Variants in CLPTM1 observed in about 807,000 individuals in gnomAD.
CLPTM1 encodes CLPTM1 regulator of GABA type A receptor forward trafficking, also known as putative lipid scramblase CLPTM1.
In CLPTM1, 21 loss-of-function variants were observed where a neutral mutation model predicts 77.3. The ratio of observed to expected loss-of-function variants is 0.27; its 90% CI spans 0.19 to 0.39. The LOEUF (loss-of-function observed/expected upper bound fraction) is 0.39, where lower values mean the gene tolerates loss of function less well. Ranked by LOEUF, CLPTM1 falls within the 10% of genes least tolerant of loss-of-function variation. The pLI is 1.00. For synonymous variants in CLPTM1, 373 were observed against 381.0 expected (o/e 0.98, Z 0.24); for missense variants, 642 against 921.2 (o/e 0.70, Z 3.92).
rs994649493 is a variant in CLPTM1, at chr19:44,975,554, G to GT, written c.468+968dup. Reference sequence around the variant, plus strand: ...GCAGAATGTGGACACAGTCATTCTGGTTTTTTTTTTTGTTTTTTGTTTTTT... The same window carrying GT: ...GCAGAATGTGGACACAGTCATTCTGGTTTTTTTTTTTTGTTTTTTGTTTTTT... On this transcript the variant is annotated intron_variant, in intron 4 of 13. Coordinates refer to ENST00000337392, the MANE Select transcript of CLPTM1 (RefSeq NM_001294.4). Among the ~76,000 whole-genome samples, 151 of 147,780 alleles carry GT rather than the reference G, an allele frequency of 1.0e-3. 1 individual carries two copies. Among genetic ancestry groups the GT allele is most frequent in the South Asian group, 3.9e-3 (18 of 4,660 alleles).
intron 2 of CLPTM1, among the ~76,000 whole-genome samples, chr19:44,969,835 C>T (rs1275657655): frequency 6.6e-6 from 1 of 151,564 alleles, no homozygotes; most frequent in Non-Finnish European, 1.5e-5. Flanking sequence ...TTACAGGCGC[C>T]CGCCACCACG....
At chr19:44,989,305 T>C (rs1347821951) in intron 9 of CLPTM1, among the ~76,000 whole-genome samples, 1 of 152,222 alleles carries the variant, frequency 6.6e-6, no homozygotes, top group African/African-American at 2.4e-5. Context: ...GCCTAGGAGC[T>C]GGCTTGGCTG....
chr19:44,964,270 C>T (rs916488141), intron 2 of CLPTM1, among the ~76,000 whole-genome samples: 1 of 146,746 alleles, frequency 6.8e-6, no homozygotes, highest in Non-Finnish European at 1.5e-5. Flanking sequence ...ATCAAATTTA[C>T]CATTTTAACC....
intron 1 of CLPTM1, chr19:44,955,873 C>G (rs577610236): frequency 5.7e-6 from 1 of 175,106 alleles, no homozygotes; most frequent in African/African-American, 2.4e-5. Context: ...AGTTTTCTAG[C>G]TGTGGGGAAG....
chr19:44,969,221 G>A (rs1970680912), intron 2 of CLPTM1, among the ~76,000 whole-genome samples: 1 of 152,128 alleles, frequency 6.6e-6, no homozygotes. Context: ...ATAATTTAAT[G>A]TGTTTAATGC....
intron 2 of CLPTM1, among the ~76,000 whole-genome samples, chr19:44,966,898 G>A (rs1283334204): frequency 6.6e-6 from 1 of 151,946 alleles, no homozygotes; most frequent in Non-Finnish European, 1.5e-5. Context: ...CTGGAGTGCA[G>A]TGGCGCGATC....
Position 44,990,504 on chromosome 19 carries a change from G to T in CLPTM1, c.1242G>T (p.Glu414Asp). 1 of 1,614,130 alleles carries T rather than the reference G, an allele frequency of 6.2e-7. No individual in the cohort carries two copies. The highest frequency in any genetic ancestry group is 8.5e-7 in the Non-Finnish European group (1 of 1,179,994). The change falls in exon 10 of 14, where the codon GAG becomes GAT. Residue 414 changes from glutamate (E) to aspartate (D), a missense_variant. Around this residue, in one of 2 missense-constraint regions of CLPTM1, gnomAD observed 521 missense variants for 800.4 expected, o/e 0.65. Transcript: ENST00000337392. This position sits in a 1 kb window ranked among gnomAD's most constrained non-coding sequence, Gnocchi z 4.8. ...FVVLLYILDNETNFVVQVSVF... is the reference protein window; with the variant it reads ...FVVLLYILDNDTNFVVQVSVF... ...TCCTCCTCTACATCCTGGACAACGA[G>T]ACCAACTTCGTGGTCCAGGTCAGCG...
In CLPTM1 at chr19:44,968,249, T is replaced by C. The variant is rs1265366123; in HGVS notation, c.186-4838T>C. Among the ~76,000 whole-genome samples, 3 of 152,114 alleles carry C rather than the reference T, an allele frequency of 2.0e-5. No individual in the cohort carries two copies. The East Asian group carries it at 5.8e-4, about 29-fold the overall frequency. ...TCTTAAAATGGGATCCAGGGTTTGTTTTCAGGGGCCCATGAACTCCTTGTA... is the reference window on the plus strand; with the variant it reads ...TCTTAAAATGGGATCCAGGGTTTGTCTTCAGGGGCCCATGAACTCCTTGTA... On this transcript the variant is annotated intron_variant, in intron 2 of 13. Coordinates refer to ENST00000337392, the MANE Select transcript of CLPTM1 (RefSeq NM_001294.4).
intron 2 of CLPTM1, among the ~76,000 whole-genome samples, chr19:44,963,802 G>T (rs537033927): frequency 6.6e-6 from 1 of 151,864 alleles, no homozygotes; most frequent in Admixed American, 6.6e-5. Context: ...ATTTTTAGTA[G>T]AGATGGGGTT....
intron 8 of CLPTM1, 45 bp downstream of exon 8, chr19:44,987,468 G>T: frequency 6.2e-7 from 1 of 1,604,328 alleles, no homozygotes; most frequent in Non-Finnish European, 8.5e-7. Flanking sequence ...GCCTTCCTGG[G>T]CGCAAGAGGC....
chr19:44,983,504 G>C (rs543587330), intron 5 of CLPTM1, among the ~76,000 whole-genome samples: 57 of 150,162 alleles, frequency 3.8e-4, no homozygotes, highest in Non-Finnish European at 6.1e-4. Context: ...TGTAGTCCCA[G>C]CTACCCAGGA....
At chr19:44,973,826 T>C (rs995780894) in intron 3 of CLPTM1, among the ~76,000 whole-genome samples, 30 of 141,108 alleles carry the variant, frequency 2.1e-4, no homozygotes, top group Non-Finnish European at 3.0e-4. Context: ...TGCAGTGGCA[T>C]AATCTTAGCT....
Position 44,992,223 on chromosome 19 carries a change from C to T in CLPTM1, c.1556-10C>T. ...GGCCATCCCTCTGCTCATGGGTGCT[C>T]TCACTGCAGGCTTCATCACCATGAC... On this transcript the variant is annotated splice_polypyrimidine_tract_variant and intron_variant, in intron 12 of 13. Coordinates refer to ENST00000337392, the MANE Select transcript of CLPTM1 (RefSeq NM_001294.4). This position sits in a 1 kb window ranked among gnomAD's most constrained non-coding sequence, Gnocchi z 7.7. 3 of 1,613,868 alleles carry T rather than the reference C, an allele frequency of 1.9e-6. No individual in the cohort carries two copies. The highest frequency in any genetic ancestry group is 2.5e-6 in the Non-Finnish European group (3 of 1,179,866).
At chr19:44,986,687 A>G in intron 7 of CLPTM1, 112 bp downstream of exon 7, 1 of 1,383,026 alleles carries the variant, frequency 7.2e-7, no homozygotes, top group Non-Finnish European at 9.7e-7. Context: ...CCAGGGCTCC[A>G]CCCTCCCAAG....
At chr19:44,958,507 G>A (rs1438859034) in intron 1 of CLPTM1, among the ~76,000 whole-genome samples, 1 of 152,040 alleles carries the variant, frequency 6.6e-6, no homozygotes, top group Non-Finnish European at 1.5e-5. Flanking sequence ...AAGTAGCTGG[G>A]ATTACAAGCA....
Position 44,990,675 on chromosome 19 carries a change from G to T in CLPTM1, c.1323+90G>T, listed in dbSNP as rs1417185345. ...CTGGACCCTGGAGCTGGCCCCCGGG[G>T]GATTCCCAGCAAGTGCCTCACTCCC... On this transcript the variant is annotated intron_variant, in intron 10 of 13. Coordinates refer to ENST00000337392, the MANE Select transcript of CLPTM1 (RefSeq NM_001294.4). This position sits in a 1 kb window ranked among gnomAD's most constrained non-coding sequence, Gnocchi z 4.8. The T allele has an allele frequency of 6.8e-7, 1 of 1,480,350 alleles. No homozygotes were observed. Among genetic ancestry groups the T allele is most frequent in the Non-Finnish European group, 9.3e-7 (1 of 1,075,122 alleles). 91.7% of individuals were successfully genotyped at this position (1,480,350 alleles called of 1,614,324 possible).
chr19:44,988,414 G>A (rs1297931485), intron 9 of CLPTM1, among the ~76,000 whole-genome samples: 1 of 152,246 alleles, frequency 6.6e-6, no homozygotes, highest in East Asian at 1.9e-4. Flanking sequence ...CAGAGGCCAG[G>A]CCAATACTGC....
intron 8 of CLPTM1, chr19:44,987,675 T>C (rs1210819754): frequency 2.3e-5 from 13 of 567,356 alleles, no homozygotes; most frequent in Non-Finnish European, 1.9e-5. Flanking sequence ...CCTTCCTCCT[T>C]CTGTCCCAGA....
Position 44,991,036 on chromosome 19 carries a change from C to A in CLPTM1, c.1419+91C>A. On this transcript the variant is annotated intron_variant, in intron 11 of 13. Coordinates refer to ENST00000337392, the MANE Select transcript of CLPTM1 (RefSeq NM_001294.4). This position sits in a 1 kb window ranked among gnomAD's most constrained non-coding sequence, Gnocchi z 5.4. ...GGGGCCGGCCATCTGTCTGCCGGAC[C>A]CATGCTTTACAGCCTGTGCCACATC... The A allele has an allele frequency of 7.6e-7, 1 of 1,322,664 alleles. No individual in the cohort carries two copies. Among genetic ancestry groups the A allele is most frequent in the Non-Finnish European group, 1.1e-6 (1 of 933,752 alleles). 81.9% of individuals were successfully genotyped at this position (1,322,664 alleles called of 1,614,324 possible).
Sources: allele counts gnomAD v4.1 joint callset (sites outside exome capture counted in the v4.1 genomes callset), GRCh38; gene constraint gnomAD v4.1.1; regional missense constraint gnomAD v4.1.1; non-coding constraint Gnocchi (gnomAD v3.1); transcripts MANE v1.5; gene names NCBI Gene and HGNC (gene_info 2026-07-23, HGNC 2026-07-21).